The following ERI3 variants were observed in gnomAD, a reference collection of about 807,000 sequenced individuals.
ERI3 encodes the protein ERI1 exoribonuclease 3.
In ERI3, 18 loss-of-function variants were observed where a neutral mutation model predicts 44.4. The observed-to-expected ratio is 0.41, with a 90% CI of 0.28 to 0.60. The LOEUF (loss-of-function observed/expected upper bound fraction) is 0.60. Ranked by LOEUF, ERI3 falls within the 20% of genes least tolerant of loss-of-function variation. The probability of loss-of-function intolerance (pLI) is 0.36; values close to 1 mark genes in which losing one functional copy is unlikely to be tolerated. For missense variants in ERI3, 294 were observed against 435.5 expected (o/e 0.68, Z 2.89); for synonymous variants, 183 against 164.8 (o/e 1.11, Z -0.84).
At chr1:44,307,329 G>A (rs1201585280) in intron 6 of ERI3, among the ~76,000 whole-genome samples, 1 of 152,034 alleles carries the variant, frequency 6.6e-6, no homozygotes, top group Admixed American at 6.6e-5. Flanking sequence ...GATGACACCT[G>A]ATGTGGTAGA....
chr1:44,354,949 G>C lies in ERI3; in HGVS notation c.78C>G (p.Ala26=). The C allele has an allele frequency of 8.9e-6, 12 of 1,341,910 alleles. No homozygotes were observed. Among genetic ancestry groups the C allele is most frequent in the Non-Finnish European group, 1.2e-5 (12 of 1,039,008 alleles). The allele number at this position is 1,341,910 out of a possible 1,614,324, so 83.1% of individuals were successfully genotyped here. Residue 26 remains alanine, a synonymous_variant, in exon 1 of 9, where the codon GCC becomes GCG. Coordinates refer to ENST00000372257, the MANE Select transcript of ERI3 (RefSeq NM_024066.3). Reference sequence around the variant, plus strand: ...AAGTCCAGGGGAGAGTAAGGGGAGGGGCGGGGGGCCAGGAGACCAGCCCTC... The same window carrying C: ...AAGTCCAGGGGAGAGTAAGGGGAGGCGCGGGGGGCCAGGAGACCAGCCCTC... ...WEGGLVSWPP[A]PPLTLPWTWM...
At chr1:44,271,577 T>G (rs1320913402) in intron 7 of ERI3, among the ~76,000 whole-genome samples, 1 of 152,244 alleles carries the variant, frequency 6.6e-6, no homozygotes, top group African/African-American at 2.4e-5. Flanking sequence ...TCTCTGCCCT[T>G]CAGTTTCCTC....
At chr1:44,262,853 T>G (rs1027516041) in intron 7 of ERI3, among the ~76,000 whole-genome samples, 4 of 152,206 alleles carry the variant, frequency 2.6e-5, no homozygotes, top group African/African-American at 9.7e-5. Context: ...AAAGCTTCCC[T>G]GCTTCCCTCC....
intron 5 of ERI3, among the ~76,000 whole-genome samples, chr1:44,310,952 C>CGCGCGCGT (rs1645947130): frequency 2.6e-5 from 1 of 38,836 alleles, no homozygotes; most frequent in Non-Finnish European, 5.1e-5. Context: ...ATGTGCACAT[C>CGCGCGCGT]GCGCGCGCGC....
At position 44,331,808 on chromosome 1, in the gene ERI3, T is replaced by C. The variant is rs76957754; in HGVS notation, c.489+7237A>G. 5.4e-3 allele frequency among the ~76,000 whole-genome samples: 826 copies of C among 152,344 alleles called. 6 individuals are homozygous for C. Among genetic ancestry groups the C allele is most frequent in the African/African-American group, 0.019 (779 of 41,576 alleles). ...CTCTTCCTGCTATAACAGTTCTGAA[T>C]GGCCTCAGGTCCACTTGGCCCTTTC... On this transcript the variant is annotated intron_variant, in intron 3 of 8. Coordinates refer to ENST00000372257, the MANE Select transcript of ERI3 (RefSeq NM_024066.3).
chr1:44,234,242 C>A (rs1644253492), intron 8 of ERI3, among the ~76,000 whole-genome samples: 2 of 152,292 alleles, frequency 1.3e-5, no homozygotes, highest in African/African-American at 4.8e-5. Context: ...AATTTCTAAG[C>A]CCATGTTCCC....
At chr1:44,282,343 G>C (rs1362675356) in intron 7 of ERI3, among the ~76,000 whole-genome samples, 1 of 152,092 alleles carries the variant, frequency 6.6e-6, no homozygotes, top group South Asian at 2.1e-4. Flanking sequence ...GGGAGCAGAG[G>C]AGGAAGAGAG....
intron 6 of ERI3, among the ~76,000 whole-genome samples, chr1:44,305,496 T>C (rs1645813232): frequency 1.3e-5 from 2 of 152,168 alleles, no homozygotes; most frequent in East Asian, 1.9e-4. Context: ...CTTGAAAAAA[T>C]TGAGAGGGGA....
chr1:44,306,382 C>G (rs756570045), intron 6 of ERI3, among the ~76,000 whole-genome samples: 3 of 152,244 alleles, frequency 2.0e-5, no homozygotes, highest in African/African-American at 4.8e-5. Flanking sequence ...AATACCACCA[C>G]CCACCAGAGA....
At chr1:44,339,893 C>A (rs1646615812) in intron 2 of ERI3, among the ~76,000 whole-genome samples, 1 of 152,174 alleles carries the variant, frequency 6.6e-6, no homozygotes, top group South Asian at 2.1e-4. Flanking sequence ...AAGCGAATCA[C>A]AGGGGTTTGC....
chr1:44,339,340 TAAAAAAAAAAAA>T lies in ERI3; in HGVS notation c.212-30_212-19del, dbSNP rs372090718. ...ATCTAAAACTTAGGGGAGGAAAGTTTAAAAAAAAAAAAAAAAAAGAAAAGAAAGAAAAAAAAA... is the reference window on the plus strand; with the variant it reads ...ATCTAAAACTTAGGGGAGGAAAGTTTAAAAAAGAAAAGAAAGAAAAAAAAA... On this transcript the variant is annotated intron_variant, in intron 2 of 8. Transcript: ENST00000372257. The T allele has an allele frequency of 1.0e-5, 10 of 976,780 alleles. No individual in the cohort carries two copies. The highest frequency in any genetic ancestry group is 2.6e-5 in the African/African-American group (1 of 38,338). The allele number at this position is 976,780 out of a possible 1,614,324, so 60.5% of individuals were successfully genotyped here.
chr1:44,293,849 C>T (rs1386435435), intron 6 of ERI3, among the ~76,000 whole-genome samples: 2 of 152,208 alleles, frequency 1.3e-5, no homozygotes, highest in African/African-American at 4.8e-5. Context: ...CTCCACTTCC[C>T]CCTACTGGTA....
intron 2 of ERI3, among the ~76,000 whole-genome samples, chr1:44,347,974 G>C (rs1172498268): frequency 2.0e-5 from 3 of 151,850 alleles, no homozygotes; most frequent in Non-Finnish European, 2.9e-5. Flanking sequence ...GATCCCTAAG[G>C]GTAAGGACCA....
chr1:44,322,355 G>C (rs1022762183), intron 3 of ERI3, among the ~76,000 whole-genome samples: 4 of 151,400 alleles, frequency 2.6e-5, no homozygotes, highest in African/African-American at 9.7e-5. Context: ...CTCCCAGAGA[G>C]GAAGAACAAG....
In ERI3 at chr1:44,313,192, GCTGAC is replaced by G; in HGVS notation, c.638_642del (p.Gly213AlafsTer12). 6.2e-7 allele frequency: 1 copy of G among 1,614,158 alleles called. No homozygotes were observed. The highest frequency in any genetic ancestry group is 8.5e-7 in the Non-Finnish European group (1 of 1,180,016). Reference sequence around the variant, plus strand: ...ACCTCCAGCACTTGCTGCAGGCTTGGCTGACCATCCACCATGGCTTGAATAATCCC... The same window carrying G: ...ACCTCCAGCACTTGCTGCAGGCTTGGCATCCACCATGGCTTGAATAATCCC... On this transcript the variant is annotated frameshift_variant, in exon 5 of 9. Transcript: ENST00000372257. LOFTEE classifies it high-confidence loss of function.
intron 3 of ERI3, among the ~76,000 whole-genome samples, chr1:44,321,758 C>T (rs1023008131): frequency 3.3e-5 from 5 of 152,192 alleles, no homozygotes; most frequent in African/African-American, 1.2e-4. Context: ...CAGCTCCTCA[C>T]TAACAATGTT....
intron 7 of ERI3, among the ~76,000 whole-genome samples, chr1:44,264,053 C>T (rs956352263): frequency 9.9e-5 from 15 of 152,212 alleles, no homozygotes; most frequent in African/African-American, 3.6e-4. Flanking sequence ...AGCTCACTCC[C>T]TCCTCTAGAC....
At chr1:44,255,127 T>C (rs1644755463) in intron 7 of ERI3, among the ~76,000 whole-genome samples, 1 of 152,138 alleles carries the variant, frequency 6.6e-6, no homozygotes, top group Admixed American at 6.6e-5. Flanking sequence ...CTGAAACCTA[T>C]GTTAAGTTTT....
At chr1:44,351,499 T>G (rs1646889005) in intron 2 of ERI3, among the ~76,000 whole-genome samples, 1 of 152,254 alleles carries the variant, frequency 6.6e-6, no homozygotes, top group African/African-American at 2.4e-5. Context: ...AATACATCCA[T>G]GCTCTTCCTT....
Sources: gnomAD v4.1 joint callset for allele counts (sites outside exome capture counted in the v4.1 genomes callset) on GRCh38, gnomAD v4.1.1 for gene constraint, MANE v1.5 for transcripts, NCBI Gene and HGNC (gene_info 2026-07-23, HGNC 2026-07-21) for gene names.